ADCY2: variants seen among roughly 807,000 people sequenced by gnomAD.
The protein encoded by ADCY2 is adenylate cyclase type 2.
In ADCY2, 31 loss-of-function variants were observed where a neutral mutation model predicts 125.2. The ratio of observed to expected loss-of-function variants is 0.25; its 90% CI spans 0.19 to 0.33. The LOEUF (loss-of-function observed/expected upper bound fraction) is 0.33, where lower values mean the gene tolerates loss of function less well. Among genes scored for constraint, ADCY2 ranks in the 10% least tolerant of loss-of-function variants. The pLI, the probability that ADCY2 is intolerant of heterozygous loss-of-function variation, is 1.00. For missense variants in ADCY2, 904 were observed against 1,418.2 expected (o/e 0.64, Z 5.82); for synonymous variants, 512 against 548.4 (o/e 0.93, Z 0.93).
chr5:7,660,724 A>G (rs1440352703), intron 4 of ADCY2, among the ~76,000 whole-genome samples: 2 of 152,268 alleles, frequency 1.3e-5, no homozygotes, highest in South Asian at 2.1e-4. Flanking sequence ...AGTCCCAACC[A>G]TGTTGTGAAG....
chr5:7,666,112 A>G (rs1217079048), intron 4 of ADCY2, among the ~76,000 whole-genome samples: 1 of 151,800 alleles, frequency 6.6e-6, no homozygotes, highest in Non-Finnish European at 1.5e-5. Flanking sequence ...TGCTGGGATT[A>G]CAGGCGTGAG....
intron 3 of ADCY2, among the ~76,000 whole-genome samples, chr5:7,621,588 C>A (rs865840743): frequency 2.0e-5 from 3 of 152,108 alleles, no homozygotes; most frequent in Non-Finnish European, 4.4e-5. Context: ...GTTGCCTCGT[C>A]TATAAGATGA....
At chr5:7,724,660 T>C in intron 13 of ADCY2, 46 bp downstream of exon 13, 2 of 1,361,560 alleles carry the variant, frequency 1.5e-6, no homozygotes, top group Non-Finnish European at 2.0e-6. Flanking sequence ...TTTTCTGAAA[T>C]TTGAATTTCT....
chr5:7,758,954 C>A (rs185414380), intron 16 of ADCY2, among the ~76,000 whole-genome samples: 1 of 152,116 alleles, frequency 6.6e-6, no homozygotes. Context: ...CCAGGTCACG[C>A]GAGAGATCGT....
At chr5:7,409,142 T>C (rs1448724363) in intron 1 of ADCY2, among the ~76,000 whole-genome samples, 3 of 152,078 alleles carry the variant, frequency 2.0e-5, no homozygotes, top group African/African-American at 7.2e-5. Context: ...GGAAACCAAA[T>C]ACCGCATACT....
At chr5:7,782,652 T>G (rs1416554510) in intron 18 of ADCY2, among the ~76,000 whole-genome samples, 1 of 152,232 alleles carries the variant, frequency 6.6e-6, no homozygotes, top group Non-Finnish European at 1.5e-5. Flanking sequence ...TAAAGTAATG[T>G]GATATTCACA....
intron 2 of ADCY2, among the ~76,000 whole-genome samples, chr5:7,517,305 T>G (rs10038196): frequency 0.52 from 79,482 of 152,008 alleles, 21,356 homozygotes; most frequent in African/African-American, 0.56. Context: ...AAGGGGAATG[T>G]CATCCATGGG....
At chr5:7,689,015 A>T (rs1400086687) in intron 4 of ADCY2, among the ~76,000 whole-genome samples, 1 of 152,236 alleles carries the variant, frequency 6.6e-6, no homozygotes, top group Non-Finnish European at 1.5e-5. Flanking sequence ...GTAGTTCTTT[A>T]TATAAAGATG....
chr5:7,625,722 A>T (rs1433406414), intron 3 of ADCY2, among the ~76,000 whole-genome samples: 1 of 152,142 alleles, frequency 6.6e-6, no homozygotes, highest in Non-Finnish European at 1.5e-5. Context: ...ACAATAATAG[A>T]CTGCAGGTTG....
chr5:7,746,431 T>C (rs1192599172), intron 15 of ADCY2: 1 of 152,212 alleles, frequency 6.6e-6, no homozygotes, highest in Non-Finnish European at 1.5e-5. Flanking sequence ...TCTTTAAGGA[T>C]TTTTTAATTT....
At chr5:7,713,598 A>T (rs769903288) in intron 11 of ADCY2, among the ~76,000 whole-genome samples, 1 of 152,080 alleles carries the variant, frequency 6.6e-6, no homozygotes, top group Non-Finnish European at 1.5e-5. Flanking sequence ...AGGGTTATCC[A>T]CTCTGCTCAA....
At chr5:7,554,783 T>A (rs1735451418) in intron 3 of ADCY2, among the ~76,000 whole-genome samples, 1 of 152,204 alleles carries the variant, frequency 6.6e-6, no homozygotes, top group Non-Finnish European at 1.5e-5. Flanking sequence ...TTTCATAGGA[T>A]CTAGGAACCT....
chr5:7,578,658 C>G (rs987295513), intron 3 of ADCY2, among the ~76,000 whole-genome samples: 1 of 152,076 alleles, frequency 6.6e-6, no homozygotes, highest in Non-Finnish European at 1.5e-5. Flanking sequence ...TTACTTTTAC[C>G]TAACTCCAAA....
intron 16 of ADCY2, among the ~76,000 whole-genome samples, chr5:7,759,793 T>G (rs533864456): frequency 6.6e-6 from 1 of 151,790 alleles, no homozygotes; most frequent in Admixed American, 6.6e-5. Flanking sequence ...ACCACTGGGC[T>G]CCAGAAAGAT....
At chr5:7,571,467 C>G (rs529271377) in intron 3 of ADCY2, among the ~76,000 whole-genome samples, 1 of 152,262 alleles carries the variant, frequency 6.6e-6, no homozygotes, top group African/African-American at 2.4e-5. Context: ...GATACCCACT[C>G]ACATTGGTGA....
At position 7,828,509 on chromosome 5, in the gene ADCY2, A is replaced by G. The variant is rs1188226267; in HGVS notation, c.*1638A>G. The G allele has an allele frequency of 1.3e-5, 2 of 152,276 alleles. No homozygotes were observed. The allele number at this position is 152,276 out of a possible 1,614,324, so 9.4% of individuals were successfully genotyped here. On this transcript the variant is annotated 3_prime_UTR_variant, in exon 25 of 25. Transcript: ENST00000338316. ...ACAGCACGGGCACAGCTGCTGTGCC[A>G]GGACTGTGACTCATTCCCAGTAAAA...
At chr5:7,440,284 T>C (rs1254979618) in intron 2 of ADCY2, among the ~76,000 whole-genome samples, 1 of 152,204 alleles carries the variant, frequency 6.6e-6, no homozygotes, top group East Asian at 1.9e-4. Flanking sequence ...TTAAATTATA[T>C]AGCAAAGGAT....
chr5:7,422,468 A>C (rs917574478), intron 2 of ADCY2, among the ~76,000 whole-genome samples: 4 of 152,050 alleles, frequency 2.6e-5, no homozygotes, highest in African/African-American at 9.7e-5. Flanking sequence ...CTGCTCATTC[A>C]TGGGCTTAAA....
At chr5:7,661,637 C>T (rs1025752040) in intron 4 of ADCY2, among the ~76,000 whole-genome samples, 7 of 152,270 alleles carry the variant, frequency 4.6e-5, no homozygotes, top group African/African-American at 1.2e-4. Flanking sequence ...TTCCAAATCA[C>T]GATATTCACT....
Sources: allele counts gnomAD v4.1 joint callset (sites outside exome capture counted in the v4.1 genomes callset), GRCh38; gene constraint gnomAD v4.1.1; transcripts MANE v1.5; gene names NCBI Gene and HGNC (gene_info 2026-07-23, HGNC 2026-07-21).